ZNF799: variants seen among roughly 807,000 people sequenced by gnomAD.
ZNF799 encodes the protein zinc finger protein 799, also known as zinc finger protein 14.
A neutral mutation model predicts 41.0 loss-of-function variants in ZNF799; 28 were observed. That is an observed-to-expected ratio of 0.68 (90% CI 0.51 to 0.94). The LOEUF is 0.94. Among genes scored for constraint, ZNF799 ranks in the 40% least tolerant of loss-of-function variants. ZNF799 has a pLI of 0.00. For synonymous variants in ZNF799, 213 were observed against 252.9 expected (o/e 0.84, Z 1.50); for missense variants, 716 against 764.3 (o/e 0.94, Z 0.74).
the ZNF799 span, among the ~76,000 whole-genome samples, chr19:12,411,424 G>A: frequency 8.7e-4 from 133 of 152,100 alleles, 1 homozygote; most frequent in Non-Finnish European, 1.1e-3. Context: ...TGACATGCAG[G>A]TATTAGCAGG....
chr19:12,410,895 G>A, the ZNF799 span, among the ~76,000 whole-genome samples: 8 of 152,230 alleles, frequency 5.3e-5, no homozygotes, highest in South Asian at 2.1e-4. Context: ...TAATACGAAC[G>A]GGCATAATCT....
At chr19:12,398,637 C>A (rs1204808619) in intron 1 of ZNF799, among the ~76,000 whole-genome samples, 1 of 152,134 alleles carries the variant, frequency 6.6e-6, no homozygotes. Context: ...ATCTGTCAAA[C>A]CCATATAACA....
At chr19:12,413,641 T>A in the ZNF799 span, among the ~76,000 whole-genome samples, 2 of 152,226 alleles carry the variant, frequency 1.3e-5, no homozygotes, top group East Asian at 1.9e-4. Flanking sequence ...AATGTACACA[T>A]GCCATTAGAA....
intron 3 of ZNF799, 133 bp from the exon 4 acceptor site, chr19:12,392,339 G>C: frequency 7.3e-7 from 1 of 1,366,592 alleles, no homozygotes; most frequent in Non-Finnish European, 9.8e-7. Flanking sequence ...AACGTGAATG[G>C]ATGGAATGCT....
Position 12,392,137 on chromosome 19 carries a change from A to G in ZNF799, c.261T>C (p.Ile87=), listed in dbSNP as rs1287285881. ...TGTTCTTGGTCACAATACTATCTTG[A>G]ATCTGGCTAGATGTTTCTCCACATT... is the stretch of plus-strand genomic sequence containing the variant. ...GTQCGETSSQ[I]QDSIVTKNTL... is the part of the protein sequence containing the mutation. The change falls in exon 4 of 4, where the codon ATT becomes ATC. Residue 87 remains isoleucine, a synonymous_variant. Transcript: ENST00000430385. 2.5e-6 allele frequency: 4 copies of G among 1,613,350 alleles called. No homozygotes were observed. In the African/African-American group the frequency reaches 5.3e-5, roughly 22 times the overall value.
chr19:12,394,712 C>G, intron 1 of ZNF799: 1 of 985,328 alleles, frequency 1.0e-6, no homozygotes, highest in Non-Finnish European at 1.2e-6. Flanking sequence ...TCAGTGTCAT[C>G]TCTCATGAAT....
intron 1 of ZNF799, among the ~76,000 whole-genome samples, chr19:12,398,507 C>A (rs553989991): frequency 2.0e-5 from 3 of 152,328 alleles, no homozygotes; most frequent in African/African-American, 7.2e-5. Flanking sequence ...ATACCTATCC[C>A]TTCCAGACAA....
chr19:12,396,906 G>T (rs1478310059), intron 1 of ZNF799, among the ~76,000 whole-genome samples: 5 of 151,948 alleles, frequency 3.3e-5, no homozygotes, highest in African/African-American at 1.2e-4. Context: ...AATGATACAG[G>T]TTAGAAACTC....
At chr19:12,400,166 C>T (rs772869393) in intron 1 of ZNF799, among the ~76,000 whole-genome samples, 7 of 152,136 alleles carry the variant, frequency 4.6e-5, no homozygotes, top group Non-Finnish European at 1.0e-4. Context: ...TGAGACCCTG[C>T]TAACCACATC....
At chr19:12,408,928 G>A in the ZNF799 span, among the ~76,000 whole-genome samples, 47 of 151,970 alleles carry the variant, frequency 3.1e-4, no homozygotes, top group Non-Finnish European at 4.4e-4. Flanking sequence ...CCAGCTACTC[G>A]GGAGGCTGAG....
the ZNF799 span, among the ~76,000 whole-genome samples, chr19:12,409,491 G>C: frequency 0.76 from 115,314 of 152,102 alleles, 44,083 homozygotes; most frequent in Non-Finnish European, 0.79. Flanking sequence ...TTGATCAATT[G>C]AGTAGAAAAA....
chr19:12,408,140 C>A, the ZNF799 span, among the ~76,000 whole-genome samples: 1 of 151,400 alleles, frequency 6.6e-6, no homozygotes, highest in Non-Finnish European at 1.5e-5. Flanking sequence ...TATGAGAGAC[C>A]CTGTCTCAAA....
chr19:12,400,823 G>C (rs890781637), intron 1 of ZNF799: 14 of 610,582 alleles, frequency 2.3e-5, no homozygotes, highest in East Asian at 1.8e-4. Context: ...GCGAGGCTGC[G>C]GGCGCGGAGC....
At chr19:12,393,842 G>A in intron 1 of ZNF799, 1 of 824,356 alleles carries the variant, frequency 1.2e-6, no homozygotes, top group Non-Finnish European at 1.5e-6. Flanking sequence ...ATGGTATCTA[G>A]ACAGTGTATT....
upstream of ZNF799, among the ~76,000 whole-genome samples, chr19:12,403,515 G>T (rs1324979123): frequency 6.7e-6 from 1 of 149,532 alleles, no homozygotes; most frequent in Non-Finnish European, 1.5e-5. Context: ...TGCATTCTTA[G>T]GTTGTTTATT....
upstream of ZNF799, among the ~76,000 whole-genome samples, chr19:12,403,485 G>C (rs1351927198): frequency 1.3e-5 from 2 of 149,748 alleles, no homozygotes; most frequent in African/African-American, 4.9e-5. Flanking sequence ...GTTTGCTCTT[G>C]CTTTTCTAAT....
rs1325190920 is a variant in ZNF799 at position 12,390,557 on chromosome 19, G to T, written c.1841C>A (p.Thr614Asn). ...TCCATACGGGTTCTCTCCAGTGTGAGTTTTTTTCCAGTGAGTCTTTTTATG... is the reference window on the plus strand; with the variant it reads ...TCCATACGGGTTCTCTCCAGTGTGATTTTTTTTCCAGTGAGTCTTTTTATG... ...HRHKKTHWKK[T>N]HTGENPYGCK... is the part of the protein sequence containing the mutation. The change falls in exon 4 of 4, where the codon ACT becomes AAT. Residue 614 changes from threonine to asparagine, a missense_variant. Physicochemically the swap from Thr to Asn is moderately conservative, Grantham distance 65 (BLOSUM62 0). Transcript: ENST00000430385. 1 of 1,612,826 alleles carries T rather than the reference G, an allele frequency of 6.2e-7. No individual in the cohort carries two copies. Among genetic ancestry groups the T allele is most frequent in the African/African-American group, 1.3e-5 (1 of 74,600 alleles).
At chr19:12,404,097 T>C (rs1970014947), upstream of ZNF799, among the ~76,000 whole-genome samples, 1 of 152,220 alleles carries the variant, frequency 6.6e-6, no homozygotes, top group South Asian at 2.1e-4. Context: ...GTTTATTCCA[T>C]GTATTCTATG....
At chr19:12,394,331 G>T in intron 1 of ZNF799, 1 of 156,178 alleles carries the variant, frequency 6.4e-6, no homozygotes, top group Non-Finnish European at 1.4e-5. Flanking sequence ...CTCCAGAAAT[G>T]TAAAAATTAA....
Sources: gnomAD v4.1 joint callset for allele counts (sites outside exome capture counted in the v4.1 genomes callset) on GRCh38, gnomAD v4.1.1 for gene constraint, MANE v1.5 for transcripts, NCBI Gene and HGNC (gene_info 2026-07-23, HGNC 2026-07-21) for gene names.